The following WWOX variants were observed in gnomAD, a reference collection of about 807,000 sequenced individuals.
WWOX encodes WW domain containing oxidoreductase, also known as WW domain-containing oxidoreductase.
Under a neutral mutation model 46.2 loss-of-function variants are expected in WWOX, and 69 were observed. That is an observed-to-expected ratio of 1.49 (90% CI 1.23 to 1.82). The LOEUF (loss-of-function observed/expected upper bound fraction) is 1.82. Among genes scored for constraint, WWOX ranks in the 40% most tolerant of loss-of-function variants. The pLI is 0.00. For missense variants in WWOX, 919 were observed against 542.6 expected, an observed-to-expected ratio of 1.69 and a Z score of -6.89; for synonymous variants, 359 against 202.6, an observed-to-expected ratio of 1.77 and a Z score of -6.56.
intron 5 of WWOX, among the ~76,000 whole-genome samples, chr16:78,299,011 G>A (rs1356381077): frequency 6.6e-6 from 1 of 152,114 alleles, no homozygotes; most frequent in East Asian, 1.9e-4. Context: ...CAAAAAGGAT[G>A]AGCTGGGTTG....
intron 8 of WWOX, among the ~76,000 whole-genome samples, chr16:78,618,162 A>G (rs906763604): frequency 1.6e-4 from 24 of 152,186 alleles, no homozygotes; most frequent in African/African-American, 5.8e-4. Flanking sequence ...GCCACAGCAC[A>G]AAGTGGGGAC....
intron 8 of WWOX, among the ~76,000 whole-genome samples, chr16:78,894,026 A>ATTATTATTATT (rs913047325): frequency 4.2e-5 from 6 of 144,570 alleles, no homozygotes; most frequent in African/African-American, 2.5e-5. Flanking sequence ...GGCTTTTATT[A>ATTATTATTATT]TTATTATTAT....
intron 8 of WWOX, among the ~76,000 whole-genome samples, chr16:79,158,379 C>T (rs920947107): frequency 1.3e-5 from 2 of 152,170 alleles, no homozygotes; most frequent in East Asian, 1.9e-4. Context: ...GAAACCAAGT[C>T]AGGCTTTAAC....
chr16:78,790,149 T>A (rs940361995), intron 8 of WWOX, among the ~76,000 whole-genome samples: 2 of 152,208 alleles, frequency 1.3e-5, no homozygotes, highest in Non-Finnish European at 2.9e-5. Context: ...TTTATTTTAT[T>A]TTTTTGGGAC....
At chr16:78,477,396 CTTTT>C (rs574706157) in intron 8 of WWOX, among the ~76,000 whole-genome samples, 1 of 151,798 alleles carries the variant, frequency 6.6e-6, no homozygotes, top group African/African-American at 2.4e-5. Flanking sequence ...AAATCTATTT[CTTTT>C]TTTAAGTGTT....
intron 5 of WWOX, among the ~76,000 whole-genome samples, chr16:78,320,916 C>A (rs1329768903): frequency 6.6e-6 from 1 of 152,114 alleles, no homozygotes; most frequent in Non-Finnish European, 1.5e-5. Context: ...TGTTGTCTTG[C>A]TTTGGGCGCC....
At chr16:78,829,478 TCA>T (rs2051754886) in intron 8 of WWOX, among the ~76,000 whole-genome samples, 1 of 152,182 alleles carries the variant, frequency 6.6e-6, no homozygotes. Flanking sequence ...AGAATCACCC[TCA>T]CAGACACACA....
chr16:78,401,226 T>C (rs541456386), intron 6 of WWOX, among the ~76,000 whole-genome samples: 10 of 151,110 alleles, frequency 6.6e-5, no homozygotes, highest in South Asian at 2.1e-4. Flanking sequence ...TTTTTTCTAA[T>C]ACCACTTTTT....
At chr16:78,274,937 C>G (rs1232870661) in intron 5 of WWOX, among the ~76,000 whole-genome samples, 2 of 152,142 alleles carry the variant, frequency 1.3e-5, no homozygotes, top group Non-Finnish European at 2.9e-5. Flanking sequence ...GAGCCTTTCC[C>G]TTCTCTTTGG....
intron 8 of WWOX, among the ~76,000 whole-genome samples, chr16:78,614,477 C>A (rs1022457837): frequency 6.6e-6 from 1 of 152,240 alleles, no homozygotes; most frequent in Non-Finnish European, 1.5e-5. Context: ...GTCCTCTGGG[C>A]CAGCCCAGAT....
At chr16:78,725,408 T>G (rs1404890602) in intron 8 of WWOX, among the ~76,000 whole-genome samples, 1 of 134,964 alleles carries the variant, frequency 7.4e-6, no homozygotes, top group Admixed American at 8.9e-5. Context: ...AGTGCAGTGG[T>G]GCAATCTGGG....
intron 8 of WWOX, among the ~76,000 whole-genome samples, chr16:78,541,335 G>A (rs1047200475): frequency 4.0e-5 from 6 of 150,636 alleles, no homozygotes; most frequent in African/African-American, 9.7e-5. Context: ...TTAGCCGGGC[G>A]TAGTGGCGGG....
chr16:78,279,388 G>C lies in WWOX; in HGVS notation c.517-107472G>C, dbSNP rs568634472. ...ATGATTGTAAAATGTGTCTACTTTTGTCTCTATCTTTCATGGAAAAAAGAA... is the reference window on the plus strand; with the variant it reads ...ATGATTGTAAAATGTGTCTACTTTTCTCTCTATCTTTCATGGAAAAAAGAA... On this transcript the variant is annotated intron_variant, in intron 5 of 8. Transcript: ENST00000566780. Among the ~76,000 whole-genome samples, 368 of 152,088 alleles carry C rather than the reference G, an allele frequency of 2.4e-3. 5 individuals carry two copies. Among genetic ancestry groups the C allele is most frequent in the Admixed American group, 3.7e-3 (57 of 15,278 alleles).
chr16:78,646,768 TC>T (rs1193032347), intron 8 of WWOX, among the ~76,000 whole-genome samples: 1 of 152,198 alleles, frequency 6.6e-6, no homozygotes, highest in African/African-American at 2.4e-5. Flanking sequence ...TTTGCCTCCT[TC>T]TAGAACTAGA....
chr16:78,677,723 C>G (rs1266540794), intron 8 of WWOX, among the ~76,000 whole-genome samples: 1 of 152,168 alleles, frequency 6.6e-6, no homozygotes, highest in Admixed American at 6.5e-5. Flanking sequence ...AGCATTTGGG[C>G]ACTGCCTGGC....
At chr16:78,278,317 T>C (rs1431421578) in intron 5 of WWOX, among the ~76,000 whole-genome samples, 1 of 152,176 alleles carries the variant, frequency 6.6e-6, no homozygotes, top group Non-Finnish European at 1.5e-5. Context: ...GTAATATTGT[T>C]GTAGCAGTGT....
At chr16:78,145,899 G>GGGAT (rs1181946588) in intron 4 of WWOX, 1 of 152,232 alleles carries the variant, frequency 6.6e-6, no homozygotes, top group Non-Finnish European at 1.5e-5. Flanking sequence ...GTATGAGTTT[G>GGGAT]GGATGGCAGG....
chr16:78,926,892 G>A (rs1275988760), intron 8 of WWOX, among the ~76,000 whole-genome samples: 1 of 152,066 alleles, frequency 6.6e-6, no homozygotes, highest in Non-Finnish European at 1.5e-5. Context: ...TACTTCCTGG[G>A]CTCAAGTGAT....
intron 8 of WWOX, among the ~76,000 whole-genome samples, chr16:78,889,752 C>T (rs552277189): frequency 6.6e-6 from 1 of 152,054 alleles, no homozygotes; most frequent in Non-Finnish European, 1.5e-5. Context: ...CGATATAGTT[C>T]CCTATTTTGT....
Sources: allele counts gnomAD v4.1 joint callset (sites outside exome capture counted in the v4.1 genomes callset), GRCh38; gene constraint gnomAD v4.1.1; transcripts MANE v1.5; gene names NCBI Gene and HGNC (gene_info 2026-07-23, HGNC 2026-07-21).